Variants in TUT4 observed in about 807,000 individuals in gnomAD.
TUT4 encodes terminal uridylyltransferase 4.
TUT4 carries 36 observed loss-of-function variants against 192.2 expected under a neutral mutation model. The observed-to-expected ratio is 0.19, with a 90% CI of 0.14 to 0.25. TUT4 has a LOEUF of 0.25. Among genes scored for constraint, TUT4 ranks in the 10% least tolerant of loss-of-function variants. The pLI is 1.00. For synonymous variants in TUT4, 618 were observed against 666.0 expected (o/e 0.93, Z 1.11); for missense variants, 1,493 against 1,957.2 (o/e 0.76, Z 4.47).
At chr1:52,462,635 A>G in intron 16 of TUT4, 1 of 753,112 alleles carries the variant, frequency 1.3e-6, no homozygotes, top group Non-Finnish European at 1.6e-6. Flanking sequence ...ATGTATGTAA[A>G]GCACTCAGCA....
chr1:52,528,924 G>T (rs1571325260), intron 1 of TUT4, among the ~76,000 whole-genome samples: 1 of 152,012 alleles, frequency 6.6e-6, no homozygotes, highest in South Asian at 2.1e-4. Context: ...TGTTGCTCAG[G>T]CTTGTCTCAA....
At chr1:52,514,269 C>T (rs534393320) in intron 3 of TUT4, among the ~76,000 whole-genome samples, 32 of 152,140 alleles carry the variant, frequency 2.1e-4, no homozygotes, top group Middle Eastern at 3.4e-3. Context: ...AGTGAAACCC[C>T]GTCTCTACTA....
intron 1 of TUT4, among the ~76,000 whole-genome samples, chr1:52,534,531 C>A (rs900276039): frequency 1.3e-5 from 2 of 151,928 alleles, no homozygotes; most frequent in African/African-American, 2.4e-5. Context: ...TTTATTGTAT[C>A]TTCACACCTC....
At chr1:52,437,950 G>GT (rs1425132773) in intron 25 of TUT4, among the ~76,000 whole-genome samples, 3 of 151,380 alleles carry the variant, frequency 2.0e-5, no homozygotes, top group Non-Finnish European at 4.4e-5. Flanking sequence ...GCGAGATGCC[G>GT]TCTCAAAAAA....
At chr1:52,504,828 C>T (rs1442794012) in intron 4 of TUT4, among the ~76,000 whole-genome samples, 1 of 152,160 alleles carries the variant, frequency 6.6e-6, no homozygotes, top group East Asian at 1.9e-4. Flanking sequence ...GAATCACACA[C>T]TATTTTTCGT....
intron 3 of TUT4, among the ~76,000 whole-genome samples, chr1:52,512,695 T>C (rs1277991900): frequency 1.3e-5 from 2 of 152,272 alleles, no homozygotes; most frequent in Non-Finnish European, 2.9e-5. Flanking sequence ...AGTAAATCTT[T>C]ACCTTTCTGC....
At chr1:52,498,712 C>A (rs906930517) in intron 4 of TUT4, among the ~76,000 whole-genome samples, 1 of 150,910 alleles carries the variant, frequency 6.6e-6, no homozygotes, top group Non-Finnish European at 1.5e-5. Flanking sequence ...CATGGTGTAA[C>A]CCCGTCTCTA....
At chr1:52,498,948 ATATATATAT>A (rs2149188123) in intron 4 of TUT4, among the ~76,000 whole-genome samples, 1 of 75,644 alleles carries the variant, frequency 1.3e-5, no homozygotes, top group Admixed American at 1.6e-4. Flanking sequence ...ATATATATAT[ATATATATAT>A]ATGACATTTT....
intron 28 of TUT4, among the ~76,000 whole-genome samples, chr1:52,430,222 C>T (rs1306708943): frequency 1.3e-5 from 2 of 152,056 alleles, no homozygotes; most frequent in Non-Finnish European, 2.9e-5. Context: ...TGCAGCAGCA[C>T]GGTTTTGAAC....
chr1:52,551,176 T>C (rs1437842300), intron 1 of TUT4, among the ~76,000 whole-genome samples: 2 of 152,232 alleles, frequency 1.3e-5, no homozygotes, highest in Non-Finnish European at 2.9e-5. Flanking sequence ...CTTGAACTTA[T>C]ATGCATGACA....
In TUT4 at chr1:52,461,311, A is replaced by G. The variant is rs1015782611; in HGVS notation, c.3232-88T>C. ...TTTAAAAGTAAAATACACTCCAAAT[A>G]CAAAATATATAAATGTAAAATGTAA... On this transcript the variant is annotated intron_variant, in intron 18 of 29. Transcript: ENST00000257177. The G allele has an allele frequency of 5.7e-5, 74 of 1,288,220 alleles. No homozygotes were observed. In the African/African-American group the frequency reaches 1.1e-3, roughly 19 times the overall value. The allele number at this position is 1,288,220 out of a possible 1,614,324, so 79.8% of individuals were successfully genotyped here. A position where few individuals can be genotyped will look rare whatever the true frequency, so the allele number is the denominator to read the frequency against.
intron 3 of TUT4, among the ~76,000 whole-genome samples, chr1:52,511,538 G>A (rs752082229): frequency 6.6e-5 from 10 of 152,112 alleles, no homozygotes; most frequent in Non-Finnish European, 1.0e-4. Context: ...GGGAGTTACT[G>A]CTTTTTAAAA....
At chr1:52,486,346 C>T (rs1030465610) in intron 9 of TUT4, among the ~76,000 whole-genome samples, 6 of 152,098 alleles carry the variant, frequency 3.9e-5, no homozygotes, top group African/African-American at 1.4e-4. Flanking sequence ...GTTCTGCCAC[C>T]TAGAGTTAAG....
At chr1:52,537,378 C>T (rs1186256104) in intron 1 of TUT4, among the ~76,000 whole-genome samples, 1 of 151,976 alleles carries the variant, frequency 6.6e-6, no homozygotes, top group African/African-American at 2.4e-5. Flanking sequence ...AAAAAGGTTA[C>T]AAAACACAAA....
chr1:52,440,362 C>T (rs1412326142), intron 24 of TUT4, among the ~76,000 whole-genome samples: 3 of 151,302 alleles, frequency 2.0e-5, no homozygotes, highest in South Asian at 4.2e-4. Context: ...AACTCCTGGC[C>T]TCAAGCGATC....
At chr1:52,449,905 C>A (rs1453240146) in intron 20 of TUT4, among the ~76,000 whole-genome samples, 3 of 152,170 alleles carry the variant, frequency 2.0e-5, no homozygotes, top group East Asian at 1.9e-4. Flanking sequence ...TGGATTACTT[C>A]ACTTAGCATA....
intron 24 of TUT4, among the ~76,000 whole-genome samples, chr1:52,444,998 CATGT>C (rs766387602): frequency 9.0e-5 from 13 of 144,374 alleles, no homozygotes; most frequent in East Asian, 6.1e-4. Context: ...TATGTATATA[CATGT>C]ATGTGTGTAT....
chr1:52,457,555 G>A (rs1173351118), intron 20 of TUT4, among the ~76,000 whole-genome samples: 1 of 152,048 alleles, frequency 6.6e-6, no homozygotes. Flanking sequence ...TTTCTTCTTT[G>A]CCATAACTAT....
intron 1 of TUT4, among the ~76,000 whole-genome samples, chr1:52,540,538 A>C (rs1203641524): frequency 6.6e-6 from 1 of 151,986 alleles, no homozygotes; most frequent in Non-Finnish European, 1.5e-5. Flanking sequence ...GAAAGAAAGA[A>C]AGAAAAAAAA....
Sources: allele counts gnomAD v4.1 joint callset (sites outside exome capture counted in the v4.1 genomes callset), GRCh38; gene constraint gnomAD v4.1.1; transcripts MANE v1.5; gene names NCBI Gene and HGNC (gene_info 2026-07-23, HGNC 2026-07-21).